CDH12: variants seen among roughly 807,000 people sequenced by gnomAD.
CDH12 encodes cadherin-12.
CDH12 carries 41 observed loss-of-function variants against 74.1 expected under a neutral mutation model. The ratio of observed to expected loss-of-function variants is 0.55; its 90% CI spans 0.43 to 0.72. The LOEUF (loss-of-function observed/expected upper bound fraction) is 0.72, where lower values mean the gene tolerates loss of function less well. CDH12 is among the 30% of genes least tolerant of loss of function. The pLI is 0.00. For synonymous variants in CDH12, 399 were observed against 355.0 expected, an observed-to-expected ratio of 1.12 and a Z score of -1.39; for missense variants, 945 against 977.2, an observed-to-expected ratio of 0.97 and a Z score of 0.44.
intron 1 of CDH12, among the ~76,000 whole-genome samples, chr5:22,636,236 TG>T (rs1738834299): frequency 6.6e-6 from 1 of 152,064 alleles, no homozygotes; most frequent in Non-Finnish European, 1.5e-5. Flanking sequence ...ATAATGTAGT[TG>T]TTTTGAAAAA....
At chr5:22,100,262 T>A (rs1215137317) in intron 4 of CDH12, among the ~76,000 whole-genome samples, 1 of 152,162 alleles carries the variant, frequency 6.6e-6, no homozygotes, top group African/African-American at 2.4e-5. Flanking sequence ...AAACCTTAAA[T>A]TAAACACTAG....
intron 5 of CDH12, among the ~76,000 whole-genome samples, chr5:21,985,093 T>C (rs999503511): frequency 1.3e-5 from 2 of 152,142 alleles, no homozygotes; most frequent in Non-Finnish European, 2.9e-5. Flanking sequence ...GCCCCATAAG[T>C]TTCAAGCATT....
intron 1 of CDH12, chr5:22,639,120 A>G (rs1039393950): frequency 4.0e-5 from 6 of 148,354 alleles, no homozygotes; most frequent in East Asian, 2.0e-4. Context: ...TTTTGGCTAA[A>G]TTGCCAGTGA....
chr5:22,752,412 C>G (rs1745625116), intron 1 of CDH12, among the ~76,000 whole-genome samples: 1 of 151,796 alleles, frequency 6.6e-6, no homozygotes, highest in African/African-American at 2.4e-5. Context: ...CCTTTTCCTT[C>G]TGCTCTCATT....
At chr5:22,306,790 C>T (rs1738136026) in intron 3 of CDH12, among the ~76,000 whole-genome samples, 1 of 151,980 alleles carries the variant, frequency 6.6e-6, no homozygotes. Flanking sequence ...GCTTAAGATA[C>T]TTATAAATAT....
chr5:22,037,986 G>A (rs955887882), intron 5 of CDH12, among the ~76,000 whole-genome samples: 1 of 152,078 alleles, frequency 6.6e-6, no homozygotes, highest in Non-Finnish European at 1.5e-5. Context: ...CCTTGGACAC[G>A]TACAGTACTC....
intron 6 of CDH12, among the ~76,000 whole-genome samples, chr5:21,959,752 CAAAAAAAAAA>C (rs1176227757): frequency 2.5e-5 from 2 of 80,820 alleles, no homozygotes; most frequent in African/African-American, 4.5e-5. Context: ...TACTAAAATC[CAAAAAAAAAA>C]AAAAAAAAAA....
chr5:22,555,361 A>G (rs1738756845), intron 1 of CDH12, among the ~76,000 whole-genome samples: 1 of 152,040 alleles, frequency 6.6e-6, no homozygotes, highest in Non-Finnish European at 1.5e-5. Context: ...TGTATGCTTC[A>G]TTTATATAAT....
chr5:22,743,592 A>C (rs2127021896), intron 1 of CDH12, among the ~76,000 whole-genome samples: 1 of 152,248 alleles, frequency 6.6e-6, no homozygotes. Flanking sequence ...AAATTACTAA[A>C]GGTCATTATA....
At chr5:21,876,950 C>A (rs1751970634) in intron 6 of CDH12, among the ~76,000 whole-genome samples, 2 of 152,154 alleles carry the variant, frequency 1.3e-5, no homozygotes, top group South Asian at 4.1e-4. Context: ...ACCTGTAACC[C>A]CAGCATTTTG....
chr5:21,883,242 A>G (rs2150035352), intron 6 of CDH12: 2 of 1,357,410 alleles, frequency 1.5e-6, no homozygotes, highest in East Asian at 4.6e-5. Context: ...TGAAGGCATG[A>G]AGTTTGATTG....
chr5:22,284,602 T>C (rs1323858628), intron 3 of CDH12, among the ~76,000 whole-genome samples: 1 of 152,150 alleles, frequency 6.6e-6, no homozygotes, highest in East Asian at 1.9e-4. Flanking sequence ...ATAGAGTCTG[T>C]TAGCATGTGC....
chr5:22,324,373 T>C (rs957270662), intron 3 of CDH12, among the ~76,000 whole-genome samples: 5 of 152,058 alleles, frequency 3.3e-5, no homozygotes, highest in Admixed American at 6.5e-5. Context: ...TTTATATATC[T>C]ATATGTAATA....
chr5:22,553,124 T>C (rs541685140), intron 1 of CDH12, among the ~76,000 whole-genome samples: 1 of 152,116 alleles, frequency 6.6e-6, no homozygotes, highest in African/African-American at 2.4e-5. Flanking sequence ...AATTACACTT[T>C]TAAATCCTAA....
intron 1 of CDH12, among the ~76,000 whole-genome samples, chr5:22,684,147 C>T (rs983661819): frequency 3.3e-5 from 5 of 151,982 alleles, no homozygotes; most frequent in African/African-American, 1.2e-4. Context: ...TTAAAAAATA[C>T]TCTTTAAATC....
chr5:21,937,695 T>G lies in CDH12; in HGVS notation c.526+37396A>C, dbSNP rs552294772. 1.6e-4 allele frequency among the ~76,000 whole-genome samples: 24 copies of G among 152,232 alleles called. 1 individual carries two copies. In the South Asian group the frequency reaches 4.8e-3, roughly 30 times the overall value. On this transcript the variant is annotated intron_variant, in intron 6 of 14. Transcript: ENST00000382254. ...TGATTTTTGGGCCCATCCATAAACT[T>G]GACCAAGTGGGTCCCACAGGGAGAG... is the stretch of plus-strand genomic sequence containing the variant.
chr5:22,223,161 T>C lies in CDH12; in HGVS notation c.-332-10518A>G, dbSNP rs769970674. On this transcript the variant is annotated intron_variant, in intron 3 of 14. Transcript: ENST00000382254. ...TTTTAGAAGAGTTAGGGAAATAGGC[T>C]GCTTCAAAGCAACACATGTGTTAAA... Among the ~76,000 whole-genome samples, 31 of 152,126 alleles carry C rather than the reference T, an allele frequency of 2.0e-4. No homozygotes were observed. The East Asian group carries it at 2.5e-3, about 12-fold the overall frequency.
chr5:22,735,917 TA>T (rs557727956), intron 1 of CDH12, among the ~76,000 whole-genome samples: 80 of 151,866 alleles, frequency 5.3e-4, no homozygotes, highest in Admixed American at 1.3e-3. Context: ...TTTAAGAGAT[TA>T]ATAACAGAAG....
Position 21,751,840 on chromosome 5 carries a change from G to A in CDH12, c.2282C>T (p.Ala761Val). The A allele has an allele frequency of 6.2e-7, 1 of 1,614,020 alleles. No individual in the cohort carries two copies. Among genetic ancestry groups the A allele is most frequent in the Non-Finnish European group, 8.5e-7 (1 of 1,180,006 alleles). ...LSSIDSLTTE[A>V]DQDYDYLTDW... ...TGTCAGATAGTCATAGTCCTGGTCG[G>A]CTTCTGTGGTGAGAGAGTCTATAGA... Residue 761 changes from alanine to valine, a missense_variant, in exon 15 of 15, where the codon GCC (alanine) becomes GTC (valine). Ala to Val is a moderately conservative substitution (Grantham distance 64). This residue lies in a region of CDH12 where 791 missense variants were observed against 792.8 expected (regional missense o/e 1.00). Transcript: ENST00000382254.
Sources: gnomAD v4.1 joint callset for allele counts (sites outside exome capture counted in the v4.1 genomes callset) on GRCh38, gnomAD v4.1.1 for gene constraint, gnomAD v4.1.1 regional missense constraint, MANE v1.5 for transcripts, NCBI Gene and HGNC (gene_info 2026-07-23, HGNC 2026-07-21) for gene names.